Variants in MAF observed in about 807,000 individuals in gnomAD.
MAF encodes the protein MAF bZIP transcription factor.
A neutral mutation model predicts 22.0 loss-of-function variants in MAF; 10 were observed. That is an observed-to-expected ratio of 0.45 (90% CI 0.28 to 0.77). The LOEUF (loss-of-function observed/expected upper bound fraction) is 0.77, where lower values mean the gene tolerates loss of function less well. Among genes scored for constraint, MAF ranks in the 30% least tolerant of loss-of-function variants. The pLI is 0.12. For missense variants in MAF, 544 were observed against 548.4 expected, an observed-to-expected ratio of 0.99 and a Z score of 0.08; for synonymous variants, 337 against 255.8, an observed-to-expected ratio of 1.32 and a Z score of -3.03.
At chr16:79,397,113 G>C in the MAF span, among the ~76,000 whole-genome samples, 1 of 152,226 alleles carries the variant, frequency 6.6e-6, no homozygotes, top group Admixed American at 6.5e-5. Flanking sequence ...CCAATGGATG[G>C]AAGACATTTA....
At chr16:79,598,421 C>T in intron 1 of MAF, 2 of 732,954 alleles carry the variant, frequency 2.7e-6, no homozygotes, top group African/African-American at 2.4e-5. Flanking sequence ...GATCATTGAA[C>T]ATTGTGCAAG....
At chr16:79,489,615 G>T in the MAF span, among the ~76,000 whole-genome samples, 1 of 152,218 alleles carries the variant, frequency 6.6e-6, no homozygotes, top group African/African-American at 2.4e-5. Flanking sequence ...CAGACTGAAA[G>T]AAAGTGGTGG....
At chr16:79,249,279 T>C in the MAF span, among the ~76,000 whole-genome samples, 1 of 151,952 alleles carries the variant, frequency 6.6e-6, no homozygotes, top group African/African-American at 2.4e-5. Context: ...AGTAGCCGGA[T>C]GTGGTGGTGC....
the MAF span, among the ~76,000 whole-genome samples, chr16:79,302,790 A>G: frequency 1.1e-4 from 17 of 152,264 alleles, no homozygotes; most frequent in African/African-American, 4.1e-4. Context: ...ACAGTCATCC[A>G]CCATGCTTTC....
chr16:79,437,779 A>C, the MAF span, among the ~76,000 whole-genome samples: 22 of 152,212 alleles, frequency 1.4e-4, no homozygotes, highest in Non-Finnish European at 2.6e-4. Flanking sequence ...GGCATTGGGC[A>C]GGCTCAATCC....
At chr16:79,313,229 AGAG>A in the MAF span, among the ~76,000 whole-genome samples, 1 of 152,228 alleles carries the variant, frequency 6.6e-6, no homozygotes, top group Non-Finnish European at 1.5e-5. Context: ...TAACAAAAAA[AGAG>A]GAGAAGACGG....
the MAF span, among the ~76,000 whole-genome samples, chr16:79,255,581 C>A: frequency 6.6e-6 from 1 of 152,202 alleles, no homozygotes; most frequent in Non-Finnish European, 1.5e-5. Flanking sequence ...ATCTTGAGGG[C>A]TTGTTGGAGC....
the MAF span, among the ~76,000 whole-genome samples, chr16:79,472,869 G>C: frequency 1.3e-5 from 2 of 151,998 alleles, no homozygotes; most frequent in African/African-American, 4.8e-5. Flanking sequence ...AGCAGTAAAA[G>C]AGCATGAGTT....
At chr16:79,290,402 T>G in the MAF span, among the ~76,000 whole-genome samples, 1 of 152,216 alleles carries the variant, frequency 6.6e-6, no homozygotes, top group Non-Finnish European at 1.5e-5. Context: ...ATGCCCAAGA[T>G]GAAGAAGCCT....
chr16:79,212,040 G>GTT, the MAF span: 1 of 1,536,176 alleles, frequency 6.5e-7, no homozygotes, highest in African/African-American at 1.4e-5. Context: ...GTGGTGGCCT[G>GTT]TTTGAAAGTA....
chr16:79,352,656 G>C, the MAF span, among the ~76,000 whole-genome samples: 1 of 152,198 alleles, frequency 6.6e-6, no homozygotes, highest in Non-Finnish European at 1.5e-5. Flanking sequence ...AAAAAGTAGA[G>C]GCAGATAGAA....
chr16:79,316,740 G>C, the MAF span, among the ~76,000 whole-genome samples: 2 of 152,070 alleles, frequency 1.3e-5, no homozygotes, highest in African/African-American at 4.8e-5. Context: ...GCCTTACAGA[G>C]TTCCCCTGGA....
the MAF span, among the ~76,000 whole-genome samples, chr16:79,241,375 C>A: frequency 6.6e-6 from 1 of 152,008 alleles, no homozygotes; most frequent in African/African-American, 2.4e-5. Context: ...AAAAACACAG[C>A]ATGAGAACTT....
the MAF span, among the ~76,000 whole-genome samples, chr16:79,208,075 T>C: frequency 1.3e-5 from 2 of 152,240 alleles, no homozygotes; most frequent in South Asian, 2.1e-4. Context: ...CAGATGATTT[T>C]TGAAAGAGAA....
the MAF span, among the ~76,000 whole-genome samples, chr16:79,473,217 A>G: frequency 6.6e-6 from 1 of 152,002 alleles, no homozygotes; most frequent in Non-Finnish European, 1.5e-5. Flanking sequence ...GTGGAGGGGG[A>G]GGGAGTCCTC....
At chr16:79,546,868 T>A in the MAF span, among the ~76,000 whole-genome samples, 1 of 152,144 alleles carries the variant, frequency 6.6e-6, no homozygotes, top group African/African-American at 2.4e-5. Context: ...TGGACTTATA[T>A]GACATGTTTA....
the MAF span, among the ~76,000 whole-genome samples, chr16:79,373,192 G>C: frequency 6.6e-6 from 1 of 151,876 alleles, no homozygotes; most frequent in Non-Finnish European, 1.5e-5. Flanking sequence ...AACTGCTATG[G>C]TTTGAATGTT....
chr16:79,444,951 A>G, the MAF span, among the ~76,000 whole-genome samples: 2 of 151,604 alleles, frequency 1.3e-5, no homozygotes, highest in African/African-American at 4.8e-5. Flanking sequence ...TGCTACGTGT[A>G]TGTGAGAGTG....
At chr16:79,212,298 C>A in the MAF span, 4 of 995,606 alleles carry the variant, frequency 4.0e-6, no homozygotes, top group African/African-American at 4.9e-5. Flanking sequence ...AGCTTAGCAA[C>A]TGCTGGGGAG....
Sources: gnomAD v4.1 joint callset for allele counts (sites outside exome capture counted in the v4.1 genomes callset) on GRCh38, gnomAD v4.1.1 for gene constraint, MANE v1.5 for transcripts, NCBI Gene and HGNC (gene_info 2026-07-23, HGNC 2026-07-21) for gene names.